The following KAZN variants were observed in gnomAD, a reference collection of about 807,000 sequenced individuals.
KAZN encodes the protein kazrin.
In KAZN, 40 loss-of-function variants were observed where a neutral mutation model predicts 87.4. The ratio of observed to expected loss-of-function variants is 0.46; its 90% confidence interval spans 0.36 to 0.60. The LOEUF is 0.60. KAZN is among the 20% of genes least tolerant of loss of function. The pLI, the probability that KAZN is intolerant of heterozygous loss-of-function variation, is 0.00. For missense variants in KAZN, 898 were observed against 1,073.9 expected (o/e 0.84, Z 2.29); for synonymous variants, 466 against 458.3 (o/e 1.02, Z -0.22).
chr1:14,508,747 A>C (rs1252005806), intron 2 of KAZN, among the ~76,000 whole-genome samples: 1 of 152,098 alleles, frequency 6.6e-6, no homozygotes, highest in East Asian at 1.9e-4. Context: ...TGCTCTTTGG[A>C]CCTCGCCCGT....
chr1:14,571,045 C>T (rs962132007), intron 2 of KAZN, among the ~76,000 whole-genome samples: 1 of 152,140 alleles, frequency 6.6e-6, no homozygotes, highest in Non-Finnish European at 1.5e-5. Context: ...CTTTTCCATG[C>T]CCCGACCTCA....
At chr1:14,550,725 CTCTCTCTCTCTCT>C (rs1250790738) in intron 2 of KAZN, among the ~76,000 whole-genome samples, 7 of 83,998 alleles carry the variant, frequency 8.3e-5, no homozygotes, top group South Asian at 8.1e-4. Flanking sequence ...CTCTCTCTCT[CTCTCTCTCTCTCT>C]CCCCCACCCC....
chr1:13,935,815 C>G (rs1640706544), intron 1 of KAZN, among the ~76,000 whole-genome samples: 1 of 151,518 alleles, frequency 6.6e-6, no homozygotes, highest in South Asian at 2.1e-4. Context: ...ACCTCTGAGC[C>G]CCAGATTTCC....
chr1:14,841,385 G>C (rs947052753), intron 1 of KAZN, among the ~76,000 whole-genome samples: 1 of 121,228 alleles, frequency 8.2e-6, no homozygotes, highest in Admixed American at 1.1e-4. Flanking sequence ...CAGCCTGGGC[G>C]ACAGAGCAAG....
intron 1 of KAZN, among the ~76,000 whole-genome samples, chr1:13,979,284 T>C (rs1028029347): frequency 6.6e-6 from 1 of 151,760 alleles, no homozygotes; most frequent in Admixed American, 6.6e-5. Flanking sequence ...CCTCAAGACA[T>C]CAAAAATTAA....
chr1:14,527,034 A>G (rs1282867188), intron 2 of KAZN, among the ~76,000 whole-genome samples: 2 of 152,196 alleles, frequency 1.3e-5, no homozygotes, highest in Non-Finnish European at 2.9e-5. Flanking sequence ...GTGGACCAGT[A>G]CCTATTATTG....
At position 14,939,496 on chromosome 1, in the gene KAZN, A is replaced by T. The variant is rs147807116; in HGVS notation, c.227-21188A>T. Among the ~76,000 whole-genome samples the T allele has an allele frequency of 3.2e-3, 479 of 151,522 alleles. 3 individuals are homozygous for T. The highest frequency in any genetic ancestry group is 0.011 in the African/African-American group (464 of 41,206). On this transcript the variant is annotated intron_variant, in intron 1 of 14. Coordinates refer to ENST00000376030, the MANE Select transcript of KAZN (RefSeq NM_201628.3). Reference sequence around the variant, plus strand: ...CACTTGTTGCCCAGGCTGGTCTCGAACTCCTGGTCTCAAGTGATCCTCCCA... The same window carrying T: ...CACTTGTTGCCCAGGCTGGTCTCGATCTCCTGGTCTCAAGTGATCCTCCCA...
chr1:14,598,448 T>C (rs1676654401), upstream of KAZN, among the ~76,000 whole-genome samples: 1 of 151,908 alleles, frequency 6.6e-6, no homozygotes, highest in Non-Finnish European at 1.5e-5. The surrounding 1 kb of genome is among the most constrained non-coding windows in gnomAD (Gnocchi z 4.2). Flanking sequence ...GCCCCACCGC[T>C]CAAGGGAGGG....
rs1384305634 is a variant in KAZN, at chr1:15,115,362, T to G, written c.*727T>G. ...AGGAGTGGGGCTTAGCAGCCACATT[T>G]CTAGGAGATGCAGATATCCTATCAC... On this transcript the variant is annotated 3_prime_UTR_variant, in exon 15 of 15. Coordinates refer to ENST00000376030, the MANE Select transcript of KAZN (RefSeq NM_201628.3). The surrounding 1 kb of genome is among the most constrained non-coding windows in gnomAD (Gnocchi z 4.1). The G allele has an allele frequency of 2.6e-5, 4 of 152,246 alleles. No homozygotes were observed. Among genetic ancestry groups the G allele is most frequent in the African/African-American group, 9.6e-5 (4 of 41,464 alleles). The allele number at this position is 152,246 out of a possible 1,614,324, so 9.4% of individuals were successfully genotyped here.
intron 1 of KAZN, among the ~76,000 whole-genome samples, chr1:14,701,483 A>G (rs970523287): frequency 2.1e-4 from 32 of 152,312 alleles, no homozygotes; most frequent in Admixed American, 3.9e-4. Context: ...CTCCACCAGG[A>G]GTCCACACTC....
intron 2 of KAZN, among the ~76,000 whole-genome samples, chr1:14,991,287 G>A (rs903553422): frequency 5.3e-5 from 8 of 151,958 alleles, no homozygotes; most frequent in Non-Finnish European, 7.4e-5. Flanking sequence ...CCCGAGAGGC[G>A]GGGGTTGCAG....
intron 2 of KAZN, among the ~76,000 whole-genome samples, chr1:14,997,439 C>T (rs991254882): frequency 6.6e-6 from 1 of 151,986 alleles, no homozygotes; most frequent in South Asian, 2.1e-4. Flanking sequence ...AGGGTTTCTC[C>T]CTGTTGGTCA....
chr1:14,600,622 C>G (rs1012286867), intron 1 of KAZN, among the ~76,000 whole-genome samples: 1 of 130,078 alleles, frequency 7.7e-6, no homozygotes, highest in African/African-American at 3.1e-5. Context: ...GTCATCCTTG[C>G]AATGTCATTG....
chr1:14,226,283 G>A (rs1234430180), intron 2 of KAZN, among the ~76,000 whole-genome samples: 1 of 152,014 alleles, frequency 6.6e-6, no homozygotes, highest in East Asian at 1.9e-4. Context: ...AGACATACAT[G>A]TGGCCAACAA....
At position 14,394,608 on chromosome 1, in the gene KAZN, C is replaced by T. The variant is rs192949588; in HGVS notation, c.250-204375C>T. 3.3e-3 allele frequency among the ~76,000 whole-genome samples: 502 copies of T among 152,278 alleles called. 2 individuals carry two copies. Among genetic ancestry groups the T allele is most frequent in the African/African-American group, 0.012 (483 of 41,562 alleles). On this transcript the variant is annotated intron_variant, in intron 2 of 16. Transcript: ENST00000636203. ...GATCGAAGGTAGTTTATATTAACCC[C>T]ATTTAAACCCAGAGGTTAAGTAGCT... is the stretch of plus-strand genomic sequence containing the variant.
At chr1:15,002,801 C>T (rs548638181) in intron 2 of KAZN, among the ~76,000 whole-genome samples, 2 of 151,898 alleles carry the variant, frequency 1.3e-5, no homozygotes, top group Non-Finnish European at 2.9e-5. Context: ...AATGGTGAAA[C>T]CCCGTCTCTA....
chr1:14,277,614 G>A (rs1440684886), intron 2 of KAZN, among the ~76,000 whole-genome samples: 1 of 149,592 alleles, frequency 6.7e-6, no homozygotes, highest in Non-Finnish European at 1.5e-5. Context: ...AGTGAGCCAA[G>A]ATCGTGCCAT....
rs576051186 is a variant in KAZN at position 14,355,458 on chromosome 1, A to G, written c.249+174866A>G. 3.3e-3 allele frequency among the ~76,000 whole-genome samples: 501 copies of G among 151,812 alleles called. 2 individuals are homozygous for G. Among genetic ancestry groups the G allele is most frequent in the African/African-American group, 0.011 (472 of 41,406 alleles). On this transcript the variant is annotated intron_variant, in intron 2 of 16. Transcript: ENST00000636203. ...TATTTATATTATACTTTAAGTTCTG[A>G]GATACATGTGCAGAACGTGCAGGTT...
At chr1:15,098,069 G>C (rs890545695) in intron 10 of KAZN, among the ~76,000 whole-genome samples, 1 of 152,158 alleles carries the variant, frequency 6.6e-6, no homozygotes, top group Non-Finnish European at 1.5e-5. Context: ...AATTCTCCCC[G>C]TTTTACAGAG....
Sources: gnomAD v4.1 joint callset for allele counts (sites outside exome capture counted in the v4.1 genomes callset) on GRCh38, gnomAD v4.1.1 for gene constraint, Gnocchi (gnomAD v3.1) non-coding constraint, MANE v1.5 for transcripts, NCBI Gene and HGNC (gene_info 2026-07-23, HGNC 2026-07-21) for gene names.